Variants in ZNF253 observed in about 807,000 individuals in gnomAD.
ZNF253 encodes zinc finger protein 253.
In ZNF253, 8 loss-of-function variants were observed where a neutral mutation model predicts 11.9. The observed-to-expected ratio is 0.67, with a 90% CI of 0.40 to 1.22. The LOEUF is 1.22. Among genes scored for constraint, ZNF253 ranks in the 50% most tolerant of loss-of-function variants. The probability of loss-of-function intolerance (pLI) is 0.01; values close to 1 mark genes in which losing one functional copy is unlikely to be tolerated. For synonymous variants in ZNF253, 194 were observed against 194.9 expected, an observed-to-expected ratio of 1.00 and a Z score of 0.04; for missense variants, 485 against 586.9, an observed-to-expected ratio of 0.83 and a Z score of 1.79.
At chr19:19,885,612 C>T (rs1461854007) in intron 3 of ZNF253, among the ~76,000 whole-genome samples, 1 of 151,642 alleles carries the variant, frequency 6.6e-6, no homozygotes, top group Non-Finnish European at 1.5e-5. Flanking sequence ...AGGATGGTCT[C>T]GATCTCCTGA....
Position 19,892,718 on chromosome 19 carries a change from G to A in ZNF253, c.1471G>A (p.Val491Ile), listed in dbSNP as rs769747478. Residue 491 changes from valine (V) to isoleucine (I), a missense_variant, in exon 4 of 4, where the codon GTT becomes ATT. By Grantham distance (29) the Val-to-Ile change is conservative (BLOSUM62 3). This residue lies in a region of ZNF253 where 232 missense variants were observed against 321.4 expected (regional missense o/e 0.72). Transcript: ENST00000589717. ...IVKNVTDLLN[V>I]PPLLISIR ...GAAGAATGTGACAGATCTTTTAAATGTTCCTCCACTTTTAATTAGCATAAG... is the reference window on the plus strand; with the variant it reads ...GAAGAATGTGACAGATCTTTTAAATATTCCTCCACTTTTAATTAGCATAAG... 3.8e-6 allele frequency: 6 copies of A among 1,595,896 alleles called. No homozygotes were observed. The East Asian group carries it at 1.1e-4, about 30-fold the overall frequency.
intron 3 of ZNF253, among the ~76,000 whole-genome samples, chr19:19,881,847 T>G (rs905997411): frequency 6.6e-6 from 1 of 151,906 alleles, no homozygotes; most frequent in African/African-American, 2.4e-5. Context: ...GATTTTTTTT[T>G]ATTTCTTTGA....
chr19:19,889,595 C>T (rs1239439874), intron 3 of ZNF253, among the ~76,000 whole-genome samples: 1 of 152,138 alleles, frequency 6.6e-6, no homozygotes, highest in African/African-American at 2.4e-5. Flanking sequence ...ATCCACCCAC[C>T]CCAGCCTCCC....
At chr19:19,865,863 G>C (rs1320940495), upstream of ZNF253, 1 of 1,187,264 alleles carries the variant, frequency 8.4e-7, no homozygotes, top group Non-Finnish European at 1.3e-6. Flanking sequence ...TTTGTTTCTC[G>C]CTGCAGCGGG....
chr19:19,877,272 A>G (rs959589009), intron 1 of ZNF253, among the ~76,000 whole-genome samples: 10 of 152,182 alleles, frequency 6.6e-5, no homozygotes, highest in African/African-American at 1.9e-4. Flanking sequence ...GGAGTTATCT[A>G]TATTTTGAAG....
intron 3 of ZNF253, 76 bp downstream of exon 3, chr19:19,880,222 A>G: frequency 8.8e-7 from 1 of 1,140,176 alleles, no homozygotes; most frequent in Non-Finnish European, 1.2e-6. Flanking sequence ...ACCAGTCTTT[A>G]AAATGTGATT....
chr19:19,869,759 T>C (rs1291509642), intron 1 of ZNF253, among the ~76,000 whole-genome samples: 1 of 148,672 alleles, frequency 6.7e-6, no homozygotes, highest in East Asian at 2.0e-4. Flanking sequence ...AATCACTGCC[T>C]TCTGGTTTCA....
At position 19,878,396 on chromosome 19, in the gene ZNF253, T is replaced by G. The variant is rs2063164102; in HGVS notation, c.4-85T>G. On this transcript the variant is annotated intron_variant, in intron 1 of 3. Transcript: ENST00000589717. Reference sequence around the variant, plus strand: ...CAGTCCTTTGAGTCAGAACCAGTTCTCTTTACTCTCTAATTTCACCTTAAG... The same window carrying G: ...CAGTCCTTTGAGTCAGAACCAGTTCGCTTTACTCTCTAATTTCACCTTAAG... 4 of 1,607,384 alleles carry G rather than the reference T, an allele frequency of 2.5e-6. No individual in the cohort carries two copies. In the Admixed American group the frequency reaches 6.7e-5, roughly 27 times the overall value.
rs944216449 is a variant in ZNF253 at position 19,879,120 on chromosome 19, A to G, written c.130+513A>G. The stretch of plus-strand genomic sequence containing the variant: ...TATTCCACTATGTACCAAATAGTAT[A>G]TTGCTACCATGTTTTACCTACATGC... On this transcript the variant is annotated intron_variant, in intron 2 of 3. Transcript: ENST00000589717. Among the ~76,000 whole-genome samples, 3 of 152,186 alleles carry G rather than the reference A, an allele frequency of 2.0e-5. No homozygotes were observed. In the South Asian group the frequency reaches 6.2e-4, roughly 32 times the overall value.
chr19:19,885,281 T>TTCTC (rs1568498870), intron 3 of ZNF253, among the ~76,000 whole-genome samples: 1 of 41,628 alleles, frequency 2.4e-5, no homozygotes. Flanking sequence ...CTTTCTTTCT[T>TTCTC]TCTTTCTTTC....
At chr19:19,866,688 C>T (rs928810862) in intron 1 of ZNF253, among the ~76,000 whole-genome samples, 1 of 151,926 alleles carries the variant, frequency 6.6e-6, no homozygotes, top group Non-Finnish European at 1.5e-5. Flanking sequence ...AGTAGACATG[C>T]CGTTTCACCA....
Position 19,882,738 on chromosome 19 carries a change from T to G in ZNF253, c.226+2592T>G, listed in dbSNP as rs971293113. 3.9e-5 allele frequency among the ~76,000 whole-genome samples: 6 copies of G among 152,042 alleles called. No individual in the cohort carries two copies. In the East Asian group the frequency reaches 9.7e-4, roughly 24 times the overall value. The stretch of plus-strand genomic sequence containing the variant: ...CTGTAATCCCAACACTTTGGGAGGC[T>G]GAGGTGGGTGGATCAAGAGGTCAGG... On this transcript the variant is annotated intron_variant, in intron 3 of 3. Transcript: ENST00000589717.
chr19:19,873,391 G>A (rs982675040), intron 1 of ZNF253, among the ~76,000 whole-genome samples: 1 of 152,128 alleles, frequency 6.6e-6, no homozygotes, highest in Admixed American at 6.5e-5. Flanking sequence ...AGTCTCTCCA[G>A]CCTGGCTTAT....
intron 1 of ZNF253, among the ~76,000 whole-genome samples, chr19:19,874,442 T>C (rs956067093): frequency 6.6e-6 from 1 of 152,096 alleles, no homozygotes; most frequent in Non-Finnish European, 1.5e-5. Flanking sequence ...AAGAACAGCT[T>C]GAACCTAGGA....
chr19:19,881,172 T>C (rs2063176308), intron 3 of ZNF253, among the ~76,000 whole-genome samples: 1 of 151,148 alleles, frequency 6.6e-6, no homozygotes, highest in Non-Finnish European at 1.5e-5. Context: ...TAAAATTTAT[T>C]TGGATCTTCC....
intron 1 of ZNF253, among the ~76,000 whole-genome samples, chr19:19,877,772 AT>A (rs1012402097): frequency 5.3e-5 from 8 of 151,530 alleles, no homozygotes; most frequent in Admixed American, 2.0e-4. Context: ...TCTCTGACAG[AT>A]TTTTTTTTAC....
At chr19:19,884,517 G>T (rs1767382435) in intron 3 of ZNF253, among the ~76,000 whole-genome samples, 2 of 151,894 alleles carry the variant, frequency 1.3e-5, no homozygotes, top group Non-Finnish European at 1.5e-5. Flanking sequence ...GATTACAGGT[G>T]CACGTAACAT....
intron 3 of ZNF253, among the ~76,000 whole-genome samples, chr19:19,884,808 C>CA (rs948413850): frequency 6.6e-5 from 10 of 150,774 alleles, no homozygotes; most frequent in African/African-American, 2.2e-4. Flanking sequence ...TTTGGTGTAT[C>CA]AAAAAAAAAT....
rs778596289 is a variant in ZNF253 at position 19,878,567 on chromosome 19, G to A, written c.90G>A (p.Arg30=). 7.4e-6 allele frequency: 12 copies of A among 1,613,760 alleles called. No homozygotes were observed. The African/African-American group carries it at 8.0e-5, about 11-fold the overall frequency. The part of the protein sequence containing the change: ...CLDTAQRNLY[R]DVMLENYRNL... ...ACACTGCACAGCGGAATTTATATAG[G>A]GATGTGATGTTAGAGAACTACAGAA... is the stretch of plus-strand genomic sequence containing the variant. Residue 30 remains arginine, a synonymous_variant, in exon 2 of 4, where the codon AGG becomes AGA. Coordinates refer to ENST00000589717, the MANE Select transcript of ZNF253 (RefSeq NM_021047.3).
Sources: gnomAD v4.1 joint callset for allele counts (sites outside exome capture counted in the v4.1 genomes callset) on GRCh38, gnomAD v4.1.1 for gene constraint, gnomAD v4.1.1 regional missense constraint, MANE v1.5 for transcripts, NCBI Gene and HGNC (gene_info 2026-07-23, HGNC 2026-07-21) for gene names.